The following PIK3R5 variants were observed in gnomAD, a reference collection of about 807,000 sequenced individuals.
PIK3R5 encodes the protein phosphoinositide-3-kinase regulatory subunit 5.
In PIK3R5, 32 loss-of-function variants were observed where a neutral mutation model predicts 94.9. The ratio of observed to expected loss-of-function variants is 0.34; its 90% CI spans 0.25 to 0.45. PIK3R5 has a LOEUF of 0.45. PIK3R5 is among the 20% of genes least tolerant of loss of function. The pLI is 1.00. For synonymous variants in PIK3R5, 443 were observed against 479.4 expected (o/e 0.92, Z 0.99); for missense variants, 853 against 1,144.6 (o/e 0.75, Z 3.68).
intron 1 of PIK3R5, among the ~76,000 whole-genome samples, chr17:8,938,131 G>C (rs1018112621): frequency 2.0e-5 from 3 of 152,102 alleles, no homozygotes; most frequent in African/African-American, 7.2e-5. Flanking sequence ...TAAATGTTTG[G>C]TAGAATTCAC....
chr17:8,907,642 AAGAG>A (rs910428599), intron 3 of PIK3R5, among the ~76,000 whole-genome samples: 37 of 150,828 alleles, frequency 2.5e-4, no homozygotes, highest in South Asian at 6.3e-4. Context: ...AAAAAAAAAA[AAGAG>A]AGAGAGAGAG....
intron 1 of PIK3R5, among the ~76,000 whole-genome samples, chr17:8,962,049 C>A (rs1057209135): frequency 2.0e-5 from 3 of 152,222 alleles, no homozygotes; most frequent in African/African-American, 7.2e-5. Flanking sequence ...GCTTGACACC[C>A]ACAGGAACAC....
At chr17:8,933,500 T>G (rs2091021584) in intron 1 of PIK3R5, among the ~76,000 whole-genome samples, 1 of 152,136 alleles carries the variant, frequency 6.6e-6, no homozygotes, top group African/African-American at 2.4e-5. Flanking sequence ...TCAATCTTAC[T>G]CAAATTCCTT....
At chr17:8,921,344 C>T (rs147567873) in intron 1 of PIK3R5, among the ~76,000 whole-genome samples, 2 of 152,216 alleles carry the variant, frequency 1.3e-5, no homozygotes, top group African/African-American at 2.4e-5. Flanking sequence ...TCAAGTATTT[C>T]GAGTAGTTTC....
chr17:8,914,146 C>T (rs535157386), intron 1 of PIK3R5, among the ~76,000 whole-genome samples: 3 of 152,262 alleles, frequency 2.0e-5, no homozygotes, highest in African/African-American at 7.2e-5. Context: ...TGACAGCGAC[C>T]CTTTGTTCTC....
intron 1 of PIK3R5, among the ~76,000 whole-genome samples, chr17:8,937,933 C>A (rs138998263): frequency 0.014 from 2,132 of 152,298 alleles, 68 homozygotes; most frequent in African/African-American, 0.049. Context: ...CCTCAGCCTC[C>A]TGAGTAGCTG....
At position 8,889,166 on chromosome 17, in the gene PIK3R5, T is replaced by C. The variant is rs1234435347; in HGVS notation, c.868A>G (p.Thr290Ala). 1.2e-6 allele frequency: 2 copies of C among 1,613,956 alleles called. No individual in the cohort carries two copies. Among genetic ancestry groups the C allele is most frequent in the Admixed American group, 3.3e-5 (2 of 59,990 alleles). ...AAGCTGTCCTGGCTCCAGCTGTAGG[T>C]GTAGCACCTGGCGACAGGGATGGGG... is the stretch of plus-strand genomic sequence containing the variant. Reference protein sequence around the residue: ...TIPIPVARCYTYSWSQDSFDI... With the variant: ...TIPIPVARCYAYSWSQDSFDI... The change falls in exon 9 of 19, where the codon ACC becomes GCC. Residue 290 changes from threonine to alanine, a missense_variant. Transcript: ENST00000447110. This position sits in a 1 kb window ranked among gnomAD's most constrained non-coding sequence, Gnocchi z 4.1.
rs1052703723 is a variant in PIK3R5 at position 8,880,358 on chromosome 17, G to T, written c.*281C>A. Reference sequence around the variant, plus strand: ...AGAAAGGATCCTAGACCATGCTAATGGTCAGGGACTTCAGAGGTCAATTTA... The same window carrying T: ...AGAAAGGATCCTAGACCATGCTAATTGTCAGGGACTTCAGAGGTCAATTTA... On this transcript the variant is annotated 3_prime_UTR_variant, in exon 19 of 19. Transcript: ENST00000447110. 8.8e-6 allele frequency: 3 copies of T among 342,852 alleles called. No individual in the cohort carries two copies. The highest frequency in any genetic ancestry group is 1.6e-5 in the Non-Finnish European group (3 of 189,514). 21.2% of individuals were successfully genotyped at this position (342,852 alleles called of 1,614,324 possible).
chr17:8,942,221 T>C (rs549495591), intron 1 of PIK3R5, among the ~76,000 whole-genome samples: 14 of 152,126 alleles, frequency 9.2e-5, no homozygotes, highest in Non-Finnish European at 1.8e-4. Flanking sequence ...GAAATCAGTC[T>C]AGTGACCCCA....
intron 1 of PIK3R5, among the ~76,000 whole-genome samples, chr17:8,929,407 A>G (rs1238175164): frequency 6.6e-6 from 1 of 152,222 alleles, no homozygotes; most frequent in Non-Finnish European, 1.5e-5. Context: ...AGCAATGGCT[A>G]TATTAATATC....
At position 8,888,793 on chromosome 17, in the gene PIK3R5, C is replaced by T; in HGVS notation, c.994G>A (p.Glu332Lys). The change falls in exon 10 of 19, where the codon GAG becomes AAG. Residue 332 changes from glutamate to lysine, a missense_variant. Glu to Lys is a moderately conservative substitution (Grantham distance 56, BLOSUM62 1). This residue lies in a region of PIK3R5 where 161 missense variants were observed against 249.5 expected (regional missense o/e 0.65). Coordinates refer to ENST00000447110, the MANE Select transcript of PIK3R5 (RefSeq NM_001142633.3). The surrounding 1 kb of genome is among the most constrained non-coding windows in gnomAD (Gnocchi z 7.8). Reference sequence around the variant, plus strand: ...CAGTGCCCGTCAGTTTCCAAGTCCTCCTCCACCTCCTCCTCCTCCTCTTCC... The same window carrying T: ...CAGTGCCCGTCAGTTTCCAAGTCCTTCTCCACCTCCTCCTCCTCCTCTTCC... ...EEEEEEEEVE[E>K]DLETDGHCAE... The T allele has an allele frequency of 6.2e-7, 1 of 1,612,034 alleles. No individual in the cohort carries two copies.
At chr17:8,952,560 C>T (rs557383811) in intron 1 of PIK3R5, among the ~76,000 whole-genome samples, 2 of 152,264 alleles carry the variant, frequency 1.3e-5, no homozygotes, top group Admixed American at 1.3e-4. Flanking sequence ...TATTTAAAGG[C>T]CAGACACTCA....
rs881051 is a variant in PIK3R5, at chr17:8,963,305, C to T, written c.-14+2291G>A. Among the ~76,000 whole-genome samples, 45 of 152,242 alleles carry T rather than the reference C, an allele frequency of 3.0e-4. No individual in the cohort carries two copies. The Middle Eastern group carries it at 0.01, about 35-fold the overall frequency. On this transcript the variant is annotated intron_variant, in intron 1 of 18. Coordinates refer to ENST00000447110, the MANE Select transcript of PIK3R5 (RefSeq NM_001142633.3). ...AGCACAGCTTGAGTGCTCAGTGGAA[C>T]CCAAGCTGGGGCTTCCAAACTCTAG...
intron 3 of PIK3R5, among the ~76,000 whole-genome samples, chr17:8,907,198 ATT>A (rs112369294): frequency 5.0e-5 from 7 of 140,196 alleles, no homozygotes; most frequent in Non-Finnish European, 9.4e-5. Flanking sequence ...TAATTTTTGT[ATT>A]TTTTTTTTTT....
intron 1 of PIK3R5, among the ~76,000 whole-genome samples, chr17:8,950,352 T>C (rs2091355423): frequency 6.6e-6 from 1 of 152,196 alleles, no homozygotes; most frequent in Admixed American, 6.5e-5. Context: ...ATTCCAACTT[T>C]TATGTTAGAT....
intron 1 of PIK3R5, among the ~76,000 whole-genome samples, chr17:8,937,262 T>C (rs1299273266): frequency 6.6e-6 from 1 of 152,230 alleles, no homozygotes; most frequent in Non-Finnish European, 1.5e-5. Flanking sequence ...ATTTTTGCTT[T>C]ACGTAGGACT....
rs973401851 is a variant in PIK3R5 at position 8,925,255 on chromosome 17, T to C, written c.-13-13748A>G. ...GATAGATAGTAGATGGGTAGATAGA[T>C]AGATGGTTAGCTAGTAGATGATAGA... On this transcript the variant is annotated intron_variant, in intron 1 of 18. Coordinates refer to ENST00000447110, the MANE Select transcript of PIK3R5 (RefSeq NM_001142633.3). The surrounding 1 kb of genome is among the most constrained non-coding windows in gnomAD (Gnocchi z 5.1). Among the ~76,000 whole-genome samples, 1 of 150,218 alleles carries C rather than the reference T, an allele frequency of 6.7e-6. No individual in the cohort carries two copies. Among genetic ancestry groups the C allele is most frequent in the Non-Finnish European group, 1.5e-5 (1 of 67,824 alleles).
intron 5 of PIK3R5, among the ~76,000 whole-genome samples, chr17:8,903,363 G>A (rs369051377): frequency 6.6e-6 from 1 of 151,138 alleles, no homozygotes; most frequent in African/African-American, 2.4e-5. Flanking sequence ...TAGCCCTATA[G>A]TACCTTCAAA....
At chr17:8,914,229 C>T (rs1339000496) in intron 1 of PIK3R5, among the ~76,000 whole-genome samples, 1 of 152,084 alleles carries the variant, frequency 6.6e-6, no homozygotes. Flanking sequence ...CCAGCAAGTC[C>T]CTCATTTTAC....
Sources: allele counts gnomAD v4.1 joint callset (sites outside exome capture counted in the v4.1 genomes callset), GRCh38; gene constraint gnomAD v4.1.1; regional missense constraint gnomAD v4.1.1; non-coding constraint Gnocchi (gnomAD v3.1); transcripts MANE v1.5; gene names NCBI Gene and HGNC (gene_info 2026-07-23, HGNC 2026-07-21).